PTPRG: variants seen among roughly 807,000 people sequenced by gnomAD.
The protein encoded by PTPRG is receptor-type tyrosine-protein phosphatase gamma.
Under a neutral mutation model 165.3 loss-of-function variants are expected in PTPRG, and 102 were observed. The ratio of observed to expected loss-of-function variants is 0.62; its 90% CI spans 0.53 to 0.73. The LOEUF (loss-of-function observed/expected upper bound fraction) is 0.73. Among genes scored for constraint, PTPRG ranks in the 30% least tolerant of loss-of-function variants. The pLI, the probability that PTPRG is intolerant of heterozygous loss-of-function variation, is 0.00. For missense variants in PTPRG, 1,866 were observed against 1,861.4 expected, an observed-to-expected ratio of 1.00 and a Z score of -0.05; for synonymous variants, 675 against 669.5, an observed-to-expected ratio of 1.01 and a Z score of -0.13.
chr3:61,844,191 T>G (rs1000417279), intron 2 of PTPRG, among the ~76,000 whole-genome samples: 37 of 152,140 alleles, frequency 2.4e-4, no homozygotes, highest in Non-Finnish European at 2.9e-5. Context: ...CTCGAACTCC[T>G]GACCTGAGGT....
At chr3:61,760,137 T>A (rs975500309) in intron 2 of PTPRG, among the ~76,000 whole-genome samples, 2 of 152,164 alleles carry the variant, frequency 1.3e-5, no homozygotes, top group South Asian at 2.1e-4. Context: ...GTAGGAGATA[T>A]CACCATTTTG....
At chr3:62,069,393 G>C (rs1701126229) in intron 4 of PTPRG, among the ~76,000 whole-genome samples, 1 of 152,128 alleles carries the variant, frequency 6.6e-6, no homozygotes, top group African/African-American at 2.4e-5. Flanking sequence ...TCTGTAAGCT[G>C]TAAGAGTGTG....
At chr3:61,779,893 G>A (rs544023178) in intron 2 of PTPRG, among the ~76,000 whole-genome samples, 3 of 152,302 alleles carry the variant, frequency 2.0e-5, no homozygotes, top group Non-Finnish European at 2.9e-5. Context: ...ATCCATGTCC[G>A]ATAGCGAGCA....
intron 1 of PTPRG, among the ~76,000 whole-genome samples, chr3:61,687,593 GT>G (rs1364629073): frequency 5.3e-5 from 8 of 152,186 alleles, no homozygotes; most frequent in Admixed American, 5.2e-4. Flanking sequence ...AAAAAAAGGA[GT>G]TTTTAAATTT....
intron 2 of PTPRG, among the ~76,000 whole-genome samples, chr3:61,949,022 T>A: frequency 6.7e-6 from 1 of 149,830 alleles, no homozygotes; most frequent in African/African-American, 2.5e-5. Context: ...GAGAAGGCAC[T>A]TAACAAAAAA....
Position 62,112,160 on chromosome 3 carries a change from G to T in PTPRG, c.616-20442G>T, listed in dbSNP as rs1356575055. Among the ~76,000 whole-genome samples, 4 of 152,032 alleles carry T rather than the reference G, an allele frequency of 2.6e-5. No homozygotes were observed. In the East Asian group the frequency reaches 7.7e-4, roughly 29 times the overall value. ...CTGTCGCCCACGCTGGAGTGCAGTG[G>T]TGTGATCTTGGCTCACTGACTGCAA... On this transcript the variant is annotated intron_variant, in intron 5 of 29. Coordinates refer to ENST00000474889, the MANE Select transcript of PTPRG (RefSeq NM_002841.4).
chr3:61,716,091 G>A (rs533215575), intron 1 of PTPRG, among the ~76,000 whole-genome samples: 1 of 152,220 alleles, frequency 6.6e-6, no homozygotes, highest in South Asian at 2.1e-4. Flanking sequence ...ATGGCTCTAA[G>A]CTCTCAGCTC....
chr3:61,921,154 T>TCCTTCCTTCCTTCCTTCTTA lies in PTPRG; in HGVS notation c.191-68462_191-68461insCTTCCTTCTTACCTTCCTTC, dbSNP rs1259687591. Among the ~76,000 whole-genome samples, 221 of 150,896 alleles carry TCCTTCCTTCCTTCCTTCTTA rather than the reference T, an allele frequency of 1.5e-3. 2 individuals are homozygous for TCCTTCCTTCCTTCCTTCTTA. In the South Asian group the frequency reaches 0.016, roughly 11 times the overall value. On this transcript the variant is annotated intron_variant, in intron 2 of 29. Coordinates refer to ENST00000474889, the MANE Select transcript of PTPRG (RefSeq NM_002841.4). The stretch of plus-strand genomic sequence containing the variant: ...TTCCTTCCTTCCTTCCTTCCTTCCT[T>TCCTTCCTTCCTTCCTTCTTA]CCTTCCTTCTTACCTATCTACAGCT...
chr3:61,699,430 T>C (rs2030823604), intron 1 of PTPRG, among the ~76,000 whole-genome samples: 1 of 152,176 alleles, frequency 6.6e-6, no homozygotes, highest in Non-Finnish European at 1.5e-5. Context: ...TGAAAGTATC[T>C]TGGGGACCCA....
At chr3:61,917,545 G>A (rs1308980103) in intron 2 of PTPRG, among the ~76,000 whole-genome samples, 1 of 152,196 alleles carries the variant, frequency 6.6e-6, no homozygotes, top group East Asian at 1.9e-4. Flanking sequence ...TCAGCATTCA[G>A]AGGGTCCTGA....
chr3:61,715,435 T>G (rs1360361254), intron 1 of PTPRG, among the ~76,000 whole-genome samples: 1 of 152,054 alleles, frequency 6.6e-6, no homozygotes, highest in Non-Finnish European at 1.5e-5. Flanking sequence ...CCCAGGCTGG[T>G]CTTGAACTCC....
chr3:61,985,922 A>G (rs1194035175), intron 2 of PTPRG, among the ~76,000 whole-genome samples: 1 of 152,182 alleles, frequency 6.6e-6, no homozygotes, highest in Admixed American at 6.5e-5. Context: ...AGCTTATTTT[A>G]CCTTGTCACA....
Position 62,254,893 on chromosome 3 carries a change from C to T in PTPRG, c.2468-231C>T, listed in dbSNP as rs764382787. Among the ~76,000 whole-genome samples, 5 of 151,928 alleles carry T rather than the reference C, an allele frequency of 3.3e-5. No individual in the cohort carries two copies. Among genetic ancestry groups the T allele is most frequent in the Non-Finnish European group, 7.4e-5 (5 of 67,972 alleles). On this transcript the variant is annotated intron_variant, in intron 15 of 29. Transcript: ENST00000474889. This position sits in a 1 kb window ranked among gnomAD's most constrained non-coding sequence, Gnocchi z 4.6. ...AAAAATAAGGGGAATTCTCTATGTA[C>T]CTTTTTTTAAAAACCATATTTAACC...
rs1006607746 is a variant in PTPRG at position 62,157,214 on chromosome 3, C to T, written c.830C>T (p.Ser277Phe). ...WIVFRRPVPI[S>F]YHQLEAFYSI... Reference sequence around the variant, plus strand: ...GTCTTCCGGAGACCCGTCCCCATCTCTTACCATCAGGTAGATATTCTTCCT... The same window carrying T: ...GTCTTCCGGAGACCCGTCCCCATCTTTTACCATCAGGTAGATATTCTTCCT... The change falls in exon 7 of 30, where the codon TCT (serine) becomes TTT (phenylalanine). Residue 277 changes from serine (S) to phenylalanine (F), a missense_variant. This residue lies in a region of PTPRG where 408 missense variants were observed against 376.2 expected (regional missense o/e 1.08). Transcript: ENST00000474889. 6.2e-7 allele frequency: 1 copy of T among 1,613,398 alleles called. No homozygotes were observed. Among genetic ancestry groups the T allele is most frequent in the East Asian group, 2.2e-5 (1 of 44,868 alleles).
chr3:61,924,389 T>A (rs2039154905), intron 2 of PTPRG, among the ~76,000 whole-genome samples: 1 of 152,252 alleles, frequency 6.6e-6, no homozygotes, highest in Non-Finnish European at 1.5e-5. Flanking sequence ...CGGCTATTGT[T>A]ATTAACAGGA....
chr3:61,703,162 T>TC (rs956324085), intron 1 of PTPRG, among the ~76,000 whole-genome samples: 4 of 151,690 alleles, frequency 2.6e-5, no homozygotes, highest in East Asian at 3.9e-4. Context: ...TTTTTTTTTT[T>TC]CCCCCTGTAT....
At chr3:61,959,756 C>T (rs2040108859) in intron 2 of PTPRG, among the ~76,000 whole-genome samples, 1 of 152,208 alleles carries the variant, frequency 6.6e-6, no homozygotes, top group Non-Finnish European at 1.5e-5. Flanking sequence ...GTTTTGTCCT[C>T]TGAAATTTAC....
At chr3:61,772,002 G>C (rs1329102699) in intron 2 of PTPRG, among the ~76,000 whole-genome samples, 1 of 145,318 alleles carries the variant, frequency 6.9e-6, no homozygotes, top group Admixed American at 7.0e-5. Context: ...GGAGGGTGCA[G>C]TGAGCCGAGA....
At chr3:61,841,938 C>G (rs2036647716) in intron 2 of PTPRG, among the ~76,000 whole-genome samples, 1 of 152,180 alleles carries the variant, frequency 6.6e-6, no homozygotes, top group South Asian at 2.1e-4. Context: ...AACAAGAGAA[C>G]TTGGGTCACC....
Sources: allele counts gnomAD v4.1 joint callset (sites outside exome capture counted in the v4.1 genomes callset), GRCh38; gene constraint gnomAD v4.1.1; regional missense constraint gnomAD v4.1.1; non-coding constraint Gnocchi (gnomAD v3.1); transcripts MANE v1.5; gene names NCBI Gene and HGNC (gene_info 2026-07-23, HGNC 2026-07-21).